The following IRAG2 variants were observed in gnomAD, a reference collection of about 807,000 sequenced individuals.
The protein encoded by IRAG2 is lymphoid restricted membrane protein.
Under a neutral mutation model 69.9 loss-of-function variants are expected in IRAG2, and 45 were observed. That is an observed-to-expected ratio of 0.64 (90% CI 0.51 to 0.83). IRAG2 has a LOEUF of 0.83. Ranked by LOEUF, IRAG2 falls within the 40% of genes least tolerant of loss-of-function variation. IRAG2 has a pLI of 0.00. For missense variants in IRAG2, 520 were observed against 587.0 expected, an observed-to-expected ratio of 0.89 and a Z score of 1.18; for synonymous variants, 193 against 202.4, an observed-to-expected ratio of 0.95 and a Z score of 0.40.
chr12:25,023,077 G>A (rs1565528377), intron 7 of IRAG2, among the ~76,000 whole-genome samples: 1 of 147,464 alleles, frequency 6.8e-6, no homozygotes, highest in Non-Finnish European at 1.5e-5. Flanking sequence ...AGTGAACCGA[G>A]ATCGCACTAT....
chr12:25,001,909 A>G (rs1169730979), upstream of IRAG2, among the ~76,000 whole-genome samples: 1 of 151,740 alleles, frequency 6.6e-6, no homozygotes, highest in Non-Finnish European at 1.5e-5. Flanking sequence ...AGCTGGGATT[A>G]CAGGCATGTA....
chr12:25,001,856 G>A (rs1284352424), upstream of IRAG2, among the ~76,000 whole-genome samples: 3 of 149,182 alleles, frequency 2.0e-5, no homozygotes, highest in East Asian at 2.0e-4. Context: ...TGCAACCTCT[G>A]CCTCCTGGGT....
At chr12:25,087,519 T>G (rs1263003164) in intron 10 of IRAG2, among the ~76,000 whole-genome samples, 2 of 152,174 alleles carry the variant, frequency 1.3e-5, no homozygotes, top group East Asian at 3.9e-4. Context: ...ATTTGGCAAT[T>G]AATCCTAGTT....
intron 9 of IRAG2, among the ~76,000 whole-genome samples, chr12:25,081,191 G>C (rs1251665751): frequency 3.3e-5 from 5 of 152,298 alleles, no homozygotes; most frequent in Non-Finnish European, 7.3e-5. Context: ...GGCTGGGCGT[G>C]GTGGCTCACG....
At position 25,052,893 on chromosome 12, in the gene IRAG2, A is replaced by C. The variant is rs1944931007; in HGVS notation, c.-510A>C. On this transcript the variant is annotated 5_prime_UTR_variant, in exon 1 of 22. Transcript: ENST00000556887. Reference sequence around the variant, plus strand: ...AATTTCGGAACAACGGAACCTTCAAACTATAAATACTGAATTATCGAACAC... The same window carrying C: ...AATTTCGGAACAACGGAACCTTCAACCTATAAATACTGAATTATCGAACAC... The C allele has an allele frequency of 2.5e-6, 1 of 398,508 alleles. No individual in the cohort carries two copies. Among genetic ancestry groups the C allele is most frequent in the Admixed American group, 4.4e-5 (1 of 22,720 alleles). 24.7% of individuals were successfully genotyped at this position (398,508 alleles called of 1,614,324 possible).
intron 10 of IRAG2, among the ~76,000 whole-genome samples, chr12:25,087,153 CTTTTTTTTTTTTTT>C (rs780510333): frequency 9.1e-5 from 7 of 76,678 alleles, no homozygotes; most frequent in Middle Eastern, 8.6e-3. Context: ...ACTCTCCTTC[CTTTTTTTTTTTTTT>C]TTTTTTTTTT....
rs539066148 is a variant in IRAG2, at chr12:25,032,439, C to T, written c.1643+70C>T. On this transcript the variant is annotated intron_variant, in intron 12 of 38. Coordinates refer to the IRAG2 transcript ENST00000636465. ...ACCCTACATTATTGGCCCAATTGAG[C>T]TTTGTATGTGCCACATTCTTTTCTT... 3 of 398,690 alleles carry T rather than the reference C, an allele frequency of 7.5e-6. No individual in the cohort carries two copies. In the South Asian group the frequency reaches 3.9e-4, roughly 52 times the overall value. 24.7% of individuals were successfully genotyped at this position (398,690 alleles called of 1,614,324 possible).
intron 15 of IRAG2, chr12:25,037,832 G>A: frequency 2.5e-6 from 1 of 394,972 alleles, no homozygotes; most frequent in Non-Finnish European, 4.5e-6. Context: ...ACATACAATT[G>A]AGAATTGGTA....
chr12:25,067,829 C>T (rs554935753), intron 5 of IRAG2, among the ~76,000 whole-genome samples: 1 of 151,810 alleles, frequency 6.6e-6, no homozygotes, highest in Non-Finnish European at 1.5e-5. Flanking sequence ...CACCACACCC[C>T]GCTAATTTTT....
intron 2 of IRAG2, among the ~76,000 whole-genome samples, chr12:25,006,912 C>T (rs1461096328): frequency 6.6e-6 from 1 of 152,056 alleles, no homozygotes; most frequent in East Asian, 1.9e-4. Flanking sequence ...ATAAATGATT[C>T]ATGCTCATTT....
chr12:25,041,622 C>A (rs2139860993), intron 16 of IRAG2, among the ~76,000 whole-genome samples: 1 of 151,526 alleles, frequency 6.6e-6, no homozygotes, highest in South Asian at 2.1e-4. Flanking sequence ...TTGCCTCAGA[C>A]TCCCAAGTAG....
chr12:25,050,066 T>G (rs1258601136), upstream of IRAG2, among the ~76,000 whole-genome samples: 1 of 145,270 alleles, frequency 6.9e-6, no homozygotes, highest in Admixed American at 6.9e-5. Flanking sequence ...GAGCTTGCAG[T>G]GAGCCGAGAT....
upstream of IRAG2, among the ~76,000 whole-genome samples, chr12:25,047,956 T>C (rs1944811034): frequency 6.6e-6 from 1 of 152,240 alleles, no homozygotes; most frequent in African/African-American, 2.4e-5. Context: ...GAATGATTTA[T>C]ATTCCTTGGG....
At chr12:25,051,285 G>A (rs144599668), upstream of IRAG2, among the ~76,000 whole-genome samples, 293 of 152,344 alleles carry the variant, frequency 1.9e-3, 4 homozygotes, top group African/African-American at 6.7e-3. Context: ...AGCATTCTGT[G>A]AGACCATTCT....
intron 9 of IRAG2, among the ~76,000 whole-genome samples, chr12:25,029,888 A>G (rs1185909428): frequency 6.6e-6 from 1 of 152,168 alleles, no homozygotes; most frequent in Non-Finnish European, 1.5e-5. Context: ...ATGTGTCCTC[A>G]TGGAATCTCT....
At chr12:25,023,813 G>A in intron 7 of IRAG2, 1 of 881,558 alleles carries the variant, frequency 1.1e-6, no homozygotes, top group South Asian at 5.8e-5. Context: ...AGGTAAATAT[G>A]TGGTATTTTC....
intron 17 of IRAG2, 159 bp downstream of exon 17, chr12:25,102,400 A>G (rs1269965320): frequency 3.4e-5 from 21 of 611,342 alleles, no homozygotes; most frequent in Non-Finnish European, 5.4e-5. Context: ...ACTCTCTGCT[A>G]TATTTTTGTA....
At chr12:25,090,379 CAAAAAAA>C (rs56280849) in intron 14 of IRAG2, among the ~76,000 whole-genome samples, 182 bp downstream of exon 14, 1 of 143,978 alleles carries the variant, frequency 6.9e-6, no homozygotes, top group South Asian at 2.2e-4. Flanking sequence ...CCATCTCTAC[CAAAAAAA>C]AAAAAAAAAT....
upstream of IRAG2, among the ~76,000 whole-genome samples, chr12:25,050,561 A>G (rs1013086470): frequency 6.7e-6 from 1 of 148,394 alleles, no homozygotes; most frequent in Non-Finnish European, 1.5e-5. Flanking sequence ...ACAAAAAAAA[A>G]CAGTTACAGA....
Sources: gnomAD v4.1 joint callset for allele counts (sites outside exome capture counted in the v4.1 genomes callset) on GRCh38, gnomAD v4.1.1 for gene constraint, MANE v1.5 for transcripts, NCBI Gene and HGNC (gene_info 2026-07-23, HGNC 2026-07-21) for gene names.